UBE2D3: variants seen among roughly 807,000 people sequenced by gnomAD.
UBE2D3 encodes ubiquitin conjugating enzyme E2 D3.
A neutral mutation model predicts 22.8 loss-of-function variants in UBE2D3; 2 were observed. The observed-to-expected ratio is 0.09, with a 90% CI of 0.04 to 0.28. The LOEUF is 0.28. UBE2D3 is among the 10% of genes least tolerant of loss of function. The pLI, the probability that UBE2D3 is intolerant of heterozygous loss-of-function variation, is 1.00. For missense variants in UBE2D3, 27 were observed against 182.5 expected, an observed-to-expected ratio of 0.15 and a Z score of 4.91; for synonymous variants, 56 against 60.4, an observed-to-expected ratio of 0.93 and a Z score of 0.34.
chr4:102,797,391 G>C lies in UBE2D3; in HGVS notation c.*24C>G, dbSNP rs1725375383. ...TAAAGTTTATTCCAGCTATAATGCAGGTTATTCTGACTTTAAGGTAGCATC... is the reference window on the plus strand; with the variant it reads ...TAAAGTTTATTCCAGCTATAATGCACGTTATTCTGACTTTAAGGTAGCATC... On this transcript the variant is annotated 3_prime_UTR_variant, in exon 8 of 8. Transcript: ENST00000453744. 1 of 1,583,128 alleles carries C rather than the reference G, an allele frequency of 6.3e-7. No individual in the cohort carries two copies.
intron 2 of UBE2D3, among the ~76,000 whole-genome samples, chr4:102,824,942 TTC>T (rs1231351149): frequency 2.0e-5 from 3 of 152,256 alleles, no homozygotes; most frequent in Admixed American, 6.5e-5. Flanking sequence ...TAAAAAGCGT[TTC>T]TTCCTCTTTT....
At chr4:102,803,358 A>T (rs1186434597) in intron 4 of UBE2D3, among the ~76,000 whole-genome samples, 1 of 152,198 alleles carries the variant, frequency 6.6e-6, no homozygotes. Context: ...CAATCCGAAG[A>T]CATGTTTTAC....
chr4:102,827,075 A>G, intron 1 of UBE2D3: 1 of 984,304 alleles, frequency 1.0e-6, no homozygotes, highest in Non-Finnish European at 1.2e-6. Flanking sequence ...AAGGAAATAA[A>G]GGAAGGGAGA....
chr4:102,843,811 A>C (rs1731895293), intron 1 of UBE2D3: 1 of 152,172 alleles, frequency 6.6e-6, no homozygotes, highest in African/African-American at 2.4e-5. Context: ...AATCAGTGTG[A>C]TGTTCTATGG....
chr4:102,842,145 C>T (rs908356190), intron 1 of UBE2D3, among the ~76,000 whole-genome samples: 5 of 151,478 alleles, frequency 3.3e-5, no homozygotes, highest in East Asian at 1.9e-4. Context: ...TAGTTATTAC[C>T]GTAGATCTAG....
In UBE2D3 at chr4:102,858,768, A is replaced by G. The variant is rs187191985; in HGVS notation, c.-129+9947T>C. ...GGGATACATTCTAATCATTTATGATAATAACAACTTAGATCTCATACAAAA... is the reference window on the plus strand; with the variant it reads ...GGGATACATTCTAATCATTTATGATGATAACAACTTAGATCTCATACAAAA... On this transcript the variant is annotated intron_variant, in intron 1 of 7. Coordinates refer to the UBE2D3 transcript ENST00000338145. Among the ~76,000 whole-genome samples, 645 of 152,064 alleles carry G rather than the reference A, an allele frequency of 4.2e-3. 4 individuals carry two copies. The highest frequency in any genetic ancestry group is 0.015 in the African/African-American group (610 of 41,502).
At chr4:102,837,013 C>T (rs1731446225) in intron 1 of UBE2D3, 3 of 152,214 alleles carry the variant, frequency 2.0e-5, no homozygotes, top group Non-Finnish European at 4.4e-5. Flanking sequence ...TAAGATTTCA[C>T]TATATAAATC....
At chr4:102,822,922 T>C (rs541299079) in intron 2 of UBE2D3, among the ~76,000 whole-genome samples, 3 of 152,218 alleles carry the variant, frequency 2.0e-5, no homozygotes, top group East Asian at 1.9e-4. Flanking sequence ...GGTAACACAG[T>C]GAGACTCCGT....
chr4:102,834,313 GT>G (rs1731271624), intron 1 of UBE2D3, among the ~76,000 whole-genome samples: 3 of 152,154 alleles, frequency 2.0e-5, no homozygotes, highest in African/African-American at 7.2e-5. Context: ...TGACTTTAGT[GT>G]TTATATATGA....
chr4:102,809,652 T>A lies in UBE2D3; in HGVS notation c.120+20A>T. On this transcript the variant is annotated intron_variant, in intron 4 of 7. Coordinates refer to ENST00000453744, the MANE Select transcript of UBE2D3 (RefSeq NM_181891.3). Reference sequence around the variant, plus strand: ...CTGGATTTTCACTTAAAACTAAATTTAAAAATTCTTAATACTTACAGGTCC... The same window carrying A: ...CTGGATTTTCACTTAAAACTAAATTAAAAAATTCTTAATACTTACAGGTCC... 6.3e-7 allele frequency: 1 copy of A among 1,582,924 alleles called. No individual in the cohort carries two copies. Among genetic ancestry groups the A allele is most frequent in the Middle Eastern group, 1.7e-4 (1 of 5,886 alleles).
At chr4:102,798,636 T>C (rs1725617424) in intron 7 of UBE2D3, among the ~76,000 whole-genome samples, 1 of 150,890 alleles carries the variant, frequency 6.6e-6, no homozygotes, top group Non-Finnish European at 1.5e-5. Context: ...GTACAAAGTC[T>C]CAAGCTAAAA....
At chr4:102,826,744 C>G in intron 1 of UBE2D3, 108 bp from the exon 2 acceptor site, 2 of 1,418,540 alleles carry the variant, frequency 1.4e-6, no homozygotes, top group South Asian at 1.5e-5. Flanking sequence ...GGTGGCGTGG[C>G]AAAGCCACCA....
At chr4:102,806,593 C>T (rs773426671) in intron 4 of UBE2D3, among the ~76,000 whole-genome samples, 1 of 152,116 alleles carries the variant, frequency 6.6e-6, no homozygotes, top group Non-Finnish European at 1.5e-5. Flanking sequence ...TTCTGGTTGA[C>T]TATGCTCAGG....
chr4:102,855,580 C>G (rs1210945571), intron 1 of UBE2D3, among the ~76,000 whole-genome samples: 2 of 152,076 alleles, frequency 1.3e-5, no homozygotes, highest in East Asian at 3.9e-4. Context: ...GCCACCACAC[C>G]CACCTAATTT....
intron 2 of UBE2D3, among the ~76,000 whole-genome samples, chr4:102,815,619 C>G (rs1728678887): frequency 6.6e-6 from 1 of 152,120 alleles, no homozygotes; most frequent in Non-Finnish European, 1.5e-5. Flanking sequence ...GCATTATCAT[C>G]CTTTTAGAGT....
intron 2 of UBE2D3, 173 bp from the exon 3 acceptor site, chr4:102,810,028 C>T (rs1465779517): frequency 9.7e-6 from 6 of 616,624 alleles, no homozygotes; most frequent in South Asian, 2.4e-5. Flanking sequence ...TATGCTGAGA[C>T]AATCATCTTA....
rs1725172480 is a variant in UBE2D3, at chr4:102,795,398, A to C, written c.*2017T>G. The C allele has an allele frequency of 6.6e-6, 1 of 152,108 alleles. No homozygotes were observed. The highest frequency in any genetic ancestry group is 2.4e-5 in the African/African-American group (1 of 41,460). The allele number at this position is 152,108 out of a possible 1,614,324, so 9.4% of individuals were successfully genotyped here. A position where few individuals can be genotyped will look rare whatever the true frequency, so the allele number is the denominator to read the frequency against. On this transcript the variant is annotated 3_prime_UTR_variant, in exon 8 of 8. Coordinates refer to ENST00000453744, the MANE Select transcript of UBE2D3 (RefSeq NM_181891.3). Reference sequence around the variant, plus strand: ...TATGCATCTCAGAAGTAATTTTGAAAATAGAGCCAAAGAGCAGTTTTTCTT... The same window carrying C: ...TATGCATCTCAGAAGTAATTTTGAACATAGAGCCAAAGAGCAGTTTTTCTT...
upstream of UBE2D3, chr4:102,827,788 A>T: frequency 1.0e-6 from 1 of 986,106 alleles, no homozygotes; most frequent in Non-Finnish European, 1.2e-6. Context: ...AGGGAGGAGG[A>T]TCATGAGCTG....
chr4:102,838,670 C>G (rs59394548), intron 1 of UBE2D3, among the ~76,000 whole-genome samples: 1 of 151,762 alleles, frequency 6.6e-6, no homozygotes, highest in Non-Finnish European at 1.5e-5. Context: ...TCCAAATTCT[C>G]TAAGGTAGAG....
Sources: gnomAD v4.1 joint callset for allele counts (sites outside exome capture counted in the v4.1 genomes callset) on GRCh38, gnomAD v4.1.1 for gene constraint, MANE v1.5 for transcripts, NCBI Gene and HGNC (gene_info 2026-07-23, HGNC 2026-07-21) for gene names.